Variants in PRLR observed in about 807,000 individuals in gnomAD.
PRLR encodes the protein prolactin receptor.
In PRLR, 13 loss-of-function variants were observed where a neutral mutation model predicts 40.2. That is an observed-to-expected ratio of 0.32 (90% CI 0.21 to 0.51). The LOEUF is 0.51. PRLR is among the 20% of genes least tolerant of loss of function. The pLI is 0.97. For missense variants in PRLR, 656 were observed against 747.3 expected (o/e 0.88, Z 1.42); for synonymous variants, 269 against 278.7 (o/e 0.97, Z 0.35).
chr5:35,084,567 G>A lies in PRLR; in HGVS notation c.276C>T (p.Tyr92=). The change falls in exon 5 of 10, where the codon TAC becomes TAT. Residue 92 remains tyrosine (Y), a synonymous_variant. Coordinates refer to ENST00000618457, the MANE Select transcript of PRLR (RefSeq NM_000949.7). ...GPNSCHFGKQ[Y]TSMWRTYIMM... is the part of the protein sequence containing the mutation. ...TGATGTATGTCCTCCACATGGAGGT[G>A]TACTGCTTGCCAAAGTGGCAGGAGT... 1 of 1,609,700 alleles carries A rather than the reference G, an allele frequency of 6.2e-7. No individual in the cohort carries two copies. The highest frequency in any genetic ancestry group is 8.5e-7 in the Non-Finnish European group (1 of 1,178,486).
At chr5:35,137,086 A>G (rs1773881976) in intron 1 of PRLR, among the ~76,000 whole-genome samples, 1 of 152,184 alleles carries the variant, frequency 6.6e-6, no homozygotes, top group South Asian at 2.1e-4. Context: ...GCAGAATACT[A>G]TCAGCAAACG....
Position 35,065,630 on chromosome 5 carries a change from G to A in PRLR, c.1328C>T (p.Pro443Leu). 2.5e-6 allele frequency: 4 copies of A among 1,614,156 alleles called. No homozygotes were observed. The highest frequency in any genetic ancestry group is 3.4e-6 in the Non-Finnish European group (4 of 1,180,026). Residue 443 changes from proline (P) to leucine (L), a missense_variant, in exon 10 of 10, where the codon CCT becomes CTT. By Grantham distance (98) the Pro-to-Leu change is moderately conservative (BLOSUM62 -3). This residue lies in a region of PRLR where 469 missense variants were observed against 491.5 expected (regional missense o/e 0.95). Transcript: ENST00000618457. ...CAACAGAGTGGCCGGTGCACCTGCA[G>A]GGCCCACAGCCAGCTCACACACATC... ...ITDVCELAVG[P>L]AGAPATLLNE...
At chr5:35,066,223 A>G in intron 9 of PRLR, 121 bp from the exon 10 acceptor site, 1 of 1,011,640 alleles carries the variant, frequency 9.9e-7, no homozygotes, top group African/African-American at 1.6e-5. Context: ...AACTTCAGAC[A>G]TTTGTGTGCC....
At chr5:35,180,178 G>C (rs1775256879) in intron 1 of PRLR, among the ~76,000 whole-genome samples, 1 of 152,194 alleles carries the variant, frequency 6.6e-6, no homozygotes, top group Admixed American at 6.5e-5. Flanking sequence ...ACAGGAGGCT[G>C]AGCTCAGGCA....
chr5:35,090,683 A>C (rs541337538), intron 2 of PRLR, among the ~76,000 whole-genome samples: 2 of 150,034 alleles, frequency 1.3e-5, no homozygotes, highest in East Asian at 4.1e-4. Flanking sequence ...GTGTTTGATG[A>C]GCCCCTGAAA....
At chr5:35,164,176 A>G (rs1245263373) in intron 1 of PRLR, among the ~76,000 whole-genome samples, 1 of 152,228 alleles carries the variant, frequency 6.6e-6, no homozygotes, top group Non-Finnish European at 1.5e-5. Flanking sequence ...TAGTGGCTTT[A>G]CTAAGTACAT....
At chr5:35,166,064 T>C (rs1204869939) in intron 1 of PRLR, among the ~76,000 whole-genome samples, 3 of 152,200 alleles carry the variant, frequency 2.0e-5, no homozygotes, top group African/African-American at 7.2e-5. Flanking sequence ...TTAGCATTCA[T>C]GTGTTGCAAA....
At chr5:35,079,359 T>C (rs561558506) in intron 5 of PRLR, among the ~76,000 whole-genome samples, 260 of 152,270 alleles carry the variant, frequency 1.7e-3, no homozygotes, top group African/African-American at 6.0e-3. Flanking sequence ...CTTCAGCAAG[T>C]CTCTGGATAC....
At chr5:35,090,309 C>T (rs377160927) in intron 2 of PRLR, among the ~76,000 whole-genome samples, 1 of 152,082 alleles carries the variant, frequency 6.6e-6, no homozygotes, top group Non-Finnish European at 1.5e-5. Flanking sequence ...ATTTAAATTC[C>T]TTGGGTTCAG....
At chr5:35,077,134 C>T (rs1261017605) in intron 5 of PRLR, among the ~76,000 whole-genome samples, 2 of 152,140 alleles carry the variant, frequency 1.3e-5, no homozygotes, top group African/African-American at 2.4e-5. Context: ...GAAACTGCAT[C>T]AACTAATGAG....
chr5:35,189,115 C>T (rs544137357), intron 1 of PRLR, among the ~76,000 whole-genome samples: 1 of 152,212 alleles, frequency 6.6e-6, no homozygotes, highest in Admixed American at 6.5e-5. Flanking sequence ...CACCACACAA[C>T]GATGAAAGCA....
At chr5:35,221,348 C>G (rs1023790050) in intron 1 of PRLR, among the ~76,000 whole-genome samples, 1 of 152,192 alleles carries the variant, frequency 6.6e-6, no homozygotes, top group African/African-American at 2.4e-5. Context: ...AATTAGCAAG[C>G]TTCTGGCAAT....
rs192177106 is a variant in PRLR at position 35,200,170 on chromosome 5, C to A, written c.-106+30098G>T. Among the ~76,000 whole-genome samples the A allele has an allele frequency of 3.9e-5, 6 of 152,326 alleles. No homozygotes were observed. In the East Asian group the frequency reaches 1.2e-3, roughly 29 times the overall value. ...CCTTTGTAAACCAGGGATAAAAATA[C>A]TTCACAGACTTATCTTGTGGTTTAG... On this transcript the variant is annotated intron_variant, in intron 1 of 9. Coordinates refer to ENST00000618457, the MANE Select transcript of PRLR (RefSeq NM_000949.7).
intron 1 of PRLR, among the ~76,000 whole-genome samples, chr5:35,165,472 G>A (rs974208158): frequency 5.3e-5 from 8 of 152,136 alleles, no homozygotes; most frequent in African/African-American, 1.9e-4. Flanking sequence ...TTTACACAAA[G>A]GTTCTTTAGG....
intron 1 of PRLR, among the ~76,000 whole-genome samples, chr5:35,188,576 C>A (rs910727529): frequency 6.6e-6 from 1 of 152,194 alleles, no homozygotes; most frequent in Admixed American, 6.5e-5. Context: ...GTTCTGTGTA[C>A]ACAGCTTGGA....
intron 1 of PRLR, among the ~76,000 whole-genome samples, chr5:35,181,567 C>T (rs1775298356): frequency 6.6e-6 from 1 of 152,198 alleles, no homozygotes; most frequent in African/African-American, 2.4e-5. Context: ...GACTTAATAA[C>T]ACAATTTGCC....
At position 35,057,782 on chromosome 5, in the gene PRLR, A is replaced by G. The variant is rs78980235; in HGVS notation, c.*7307T>C. ...TAAAAAAATAGACATTACAATAACT[A>G]CATATAGAAATGAGTTTTTAAAATC... On this transcript the variant is annotated 3_prime_UTR_variant, in exon 10 of 10. Transcript: ENST00000618457. 45 of 152,272 alleles carry G rather than the reference A, an allele frequency of 3.0e-4. No homozygotes were observed. In the East Asian group the frequency reaches 8.5e-3, roughly 29 times the overall value. The allele number at this position is 152,272 out of a possible 1,614,324, so 9.4% of individuals were successfully genotyped here.
rs1482044123 is a variant in PRLR at position 35,061,634 on chromosome 5, CT to C, written c.*3454del. Reference sequence around the variant, plus strand: ...TAAATATCTGACACAGCTGATATAACTTGTGCTTATACACATCTGTTAGAAT... The same window carrying C: ...TAAATATCTGACACAGCTGATATAACTGTGCTTATACACATCTGTTAGAAT... On this transcript the variant is annotated 3_prime_UTR_variant, in exon 10 of 10. Transcript: ENST00000618457. 6.6e-6 allele frequency: 1 copy of C among 152,194 alleles called. No individual in the cohort carries two copies. Among genetic ancestry groups the C allele is most frequent in the African/African-American group, 2.4e-5 (1 of 41,456 alleles). The allele number at this position is 152,194 out of a possible 1,614,324, so 9.4% of individuals were successfully genotyped here.
At chr5:35,139,705 G>GAAAA (rs1561329122) in intron 1 of PRLR, among the ~76,000 whole-genome samples, 1 of 152,136 alleles carries the variant, frequency 6.6e-6, no homozygotes, top group Non-Finnish European at 1.5e-5. Context: ...AGAATAATTT[G>GAAAA]CATCTGAGAG....
Sources: allele counts gnomAD v4.1 joint callset (sites outside exome capture counted in the v4.1 genomes callset), GRCh38; gene constraint gnomAD v4.1.1; regional missense constraint gnomAD v4.1.1; transcripts MANE v1.5; gene names NCBI Gene and HGNC (gene_info 2026-07-23, HGNC 2026-07-21).